The following RAD51B variants were observed in gnomAD, a reference collection of about 807,000 sequenced individuals.
The protein encoded by RAD51B is DNA repair protein RAD51 homolog 2.
RAD51B carries 38 observed loss-of-function variants against 42.2 expected under a neutral mutation model. The observed-to-expected ratio is 0.90, with a 90% CI of 0.70 to 1.18. RAD51B has a LOEUF of 1.18. Ranked by LOEUF, RAD51B falls within the 50% of genes most tolerant of loss-of-function variation. The pLI, the probability that RAD51B is intolerant of heterozygous loss-of-function variation, is 0.00. For missense variants in RAD51B, 373 were observed against 400.7 expected (o/e 0.93, Z 0.59); for synonymous variants, 154 against 145.2 (o/e 1.06, Z -0.43).
intron 7 of RAD51B, among the ~76,000 whole-genome samples, chr14:68,157,589 A>G (rs908185333): frequency 9.9e-5 from 15 of 152,240 alleles, no homozygotes; most frequent in African/African-American, 3.6e-4. Flanking sequence ...GTTAGTGCAG[A>G]TAGAAGAACC....
intron 10 of RAD51B, among the ~76,000 whole-genome samples, chr14:68,500,681 C>T (rs1306881850): frequency 1.3e-5 from 2 of 152,192 alleles, no homozygotes; most frequent in East Asian, 3.8e-4. Context: ...AAAGTCAAAA[C>T]TGGGACAAAT....
intron 10 of RAD51B, among the ~76,000 whole-genome samples, chr14:68,608,292 C>T (rs1276797387): frequency 6.6e-6 from 1 of 152,198 alleles, no homozygotes; most frequent in African/African-American, 2.4e-5. Flanking sequence ...GAACAAATTG[C>T]GAGTGGGGCG....
At chr14:68,512,160 A>T (rs1048822462) in intron 10 of RAD51B, among the ~76,000 whole-genome samples, 4 of 152,182 alleles carry the variant, frequency 2.6e-5, no homozygotes, top group African/African-American at 9.7e-5. Flanking sequence ...TAAAGGGGTG[A>T]CTTGCCTAGG....
At chr14:68,132,791 A>G (rs2077922548) in intron 7 of RAD51B, among the ~76,000 whole-genome samples, 1 of 152,234 alleles carries the variant, frequency 6.6e-6, no homozygotes, top group Non-Finnish European at 1.5e-5. Flanking sequence ...ATTATGTGAA[A>G]CATGATTGCT....
chr14:67,861,477 A>G (rs568400735), intron 4 of RAD51B, among the ~76,000 whole-genome samples: 1 of 150,424 alleles, frequency 6.6e-6, no homozygotes. Context: ...AGTCTCTATG[A>G]AAAAAAAAGC....
chr14:68,564,473 G>A (rs1345820363), intron 10 of RAD51B, among the ~76,000 whole-genome samples: 2 of 152,222 alleles, frequency 1.3e-5, no homozygotes, highest in African/African-American at 4.8e-5. Context: ...CTTGTGAGAA[G>A]GAGCTGCTTG....
chr14:67,869,319 T>C (rs1204315674), intron 5 of RAD51B, among the ~76,000 whole-genome samples: 6 of 151,980 alleles, frequency 3.9e-5, no homozygotes, highest in African/African-American at 1.5e-4. Flanking sequence ...TGCAATCAAC[T>C]GGAAGAAAGG....
At position 68,474,959 on chromosome 14, in the gene RAD51B, T is replaced by C. The variant is rs1263756058; in HGVS notation, c.1037-2689T>C. On this transcript the variant is annotated intron_variant, in intron 10 of 10. Coordinates refer to ENST00000471583, the MANE Select transcript of RAD51B (RefSeq NM_133510.4). ...TTGGCAGCTTAGCTCTACATGTCTA[T>C]CGAAGAGCCCAGGCCATTGACTTTT... Among the ~76,000 whole-genome samples, 6 of 152,198 alleles carry C rather than the reference T, an allele frequency of 3.9e-5. No homozygotes were observed. The South Asian group carries it at 6.2e-4, about 16-fold the overall frequency.
chr14:68,072,702 G>T (rs1281662127), intron 7 of RAD51B, among the ~76,000 whole-genome samples: 2 of 152,128 alleles, frequency 1.3e-5, no homozygotes, highest in African/African-American at 4.8e-5. Context: ...TACTGCTTTA[G>T]CTCTGTCCCA....
chr14:68,571,496 A>G (rs1470260843), intron 10 of RAD51B, among the ~76,000 whole-genome samples: 1 of 152,166 alleles, frequency 6.6e-6, no homozygotes, highest in African/African-American at 2.4e-5. Context: ...AGAGCCAGCA[A>G]CATCACAGCT....
chr14:68,033,032 C>CTG lies in RAD51B; in HGVS notation c.756+145831_756+145832dup, dbSNP rs949099623. Among the ~76,000 whole-genome samples, 4 of 152,262 alleles carry CTG rather than the reference C, an allele frequency of 2.6e-5. No individual in the cohort carries two copies. The East Asian group carries it at 7.7e-4, about 29-fold the overall frequency. ...TGACCTTCGCTTAGGCTAGGTACTT[C>CTG]TGTGGTCTGTTCTTTATTACCGTAT... On this transcript the variant is annotated intron_variant, in intron 7 of 10. Coordinates refer to ENST00000471583, the MANE Select transcript of RAD51B (RefSeq NM_133510.4).
chr14:67,843,678 T>G (rs920411060), intron 4 of RAD51B, among the ~76,000 whole-genome samples: 5 of 152,030 alleles, frequency 3.3e-5, no homozygotes, highest in African/African-American at 9.7e-5. Context: ...GGGTTTTTTG[T>G]ATTTCTGTGG....
intron 11 of RAD51B, chr14:68,682,907 T>C (rs1555436648): frequency 1.1e-6 from 1 of 870,390 alleles, no homozygotes; most frequent in Non-Finnish European, 1.3e-6. Context: ...CTGTAGCTTA[T>C]GGCTTTTTTT....
intron 7 of RAD51B, among the ~76,000 whole-genome samples, chr14:68,273,622 A>T (rs2081163747): frequency 6.6e-6 from 1 of 152,194 alleles, no homozygotes. Context: ...TCAGGTGACC[A>T]CTTGAGTGGG....
At chr14:67,825,167 TG>T (rs1566909194) in intron 2 of RAD51B, among the ~76,000 whole-genome samples, 1 of 151,698 alleles carries the variant, frequency 6.6e-6, no homozygotes, top group Non-Finnish European at 1.5e-5. Flanking sequence ...AAATTCTTTT[TG>T]GCACAAGTGT....
chr14:68,660,264 A>T (rs1207714233), intron 11 of RAD51B, among the ~76,000 whole-genome samples: 1 of 152,228 alleles, frequency 6.6e-6, no homozygotes, highest in Non-Finnish European at 1.5e-5. Context: ...AAAAGCAGAA[A>T]AATACCGGGC....
At chr14:68,674,719 A>G (rs911870853) in intron 11 of RAD51B, among the ~76,000 whole-genome samples, 1 of 152,176 alleles carries the variant, frequency 6.6e-6, no homozygotes, top group Non-Finnish European at 1.5e-5. Context: ...TAAAATGGGA[A>G]GTCCCATTAC....
chr14:68,535,058 G>T (rs1404305235), intron 10 of RAD51B, among the ~76,000 whole-genome samples: 1 of 152,084 alleles, frequency 6.6e-6, no homozygotes, highest in Non-Finnish European at 1.5e-5. Flanking sequence ...TAGAGCCAAA[G>T]TTCAAACACA....
At chr14:68,619,140 A>G (rs377212838) in intron 10 of RAD51B, among the ~76,000 whole-genome samples, 2 of 152,246 alleles carry the variant, frequency 1.3e-5, no homozygotes, top group Admixed American at 6.5e-5. Context: ...TTATTTTTTT[A>G]TTTTTTAACT....
Sources: gnomAD v4.1 joint callset for allele counts (sites outside exome capture counted in the v4.1 genomes callset) on GRCh38, gnomAD v4.1.1 for gene constraint, MANE v1.5 for transcripts, NCBI Gene and HGNC (gene_info 2026-07-23, HGNC 2026-07-21) for gene names.